ERC1: variants seen among roughly 807,000 people sequenced by gnomAD.
ERC1 encodes the protein RAB6 interacting protein 2.
ERC1 carries 56 observed loss-of-function variants against 132.0 expected under a neutral mutation model. The observed-to-expected ratio is 0.42, with a 90% confidence interval of 0.34 to 0.53. ERC1 has a LOEUF of 0.53. Ranked by LOEUF, ERC1 falls within the 20% of genes least tolerant of loss-of-function variation. ERC1 has a pLI of 0.03. For synonymous variants in ERC1, 478 were observed against 476.1 expected (o/e 1.00, Z -0.05); for missense variants, 1,202 against 1,349.9 (o/e 0.89, Z 1.72).
Position 1,352,192 on chromosome 12 carries a change from G to C in ERC1, c.2781-19641G>C, listed in dbSNP as rs79705383. Among the ~76,000 whole-genome samples the C allele has an allele frequency of 1.1e-3, 160 of 152,234 alleles. 1 individual carries two copies. Among genetic ancestry groups the C allele is most frequent in the Middle Eastern group, 6.8e-3 (2 of 294 alleles). On this transcript the variant is annotated intron_variant, in intron 15 of 18. Coordinates refer to ENST00000360905, the MANE Select transcript of ERC1 (RefSeq NM_178040.4). ...CATATCACCCTGTTCCTGTTGCTTAGGGAGCTTTCTCAGGATAGCATTTCA... is the reference window on the plus strand; with the variant it reads ...CATATCACCCTGTTCCTGTTGCTTACGGAGCTTTCTCAGGATAGCATTTCA...
intron 16 of ERC1, among the ~76,000 whole-genome samples, chr12:1,375,366 C>T (rs1481012052): frequency 6.6e-6 from 1 of 152,114 alleles, no homozygotes; most frequent in East Asian, 1.9e-4. Context: ...GGTCTGCCCC[C>T]ATGATCCAAT....
chr12:1,069,946 C>A (rs1045414006), intron 2 of ERC1, among the ~76,000 whole-genome samples: 1 of 152,008 alleles, frequency 6.6e-6, no homozygotes, highest in African/African-American at 2.4e-5. Flanking sequence ...CTACATGTAT[C>A]GATGTGGATA....
At position 1,337,447 on chromosome 12, in the gene ERC1, T is replaced by C. The variant is rs538466559; in HGVS notation, c.2781-34386T>C. Among the ~76,000 whole-genome samples, 6 of 152,264 alleles carry C rather than the reference T, an allele frequency of 3.9e-5. No homozygotes were observed. In the East Asian group the frequency reaches 1.2e-3, roughly 29 times the overall value. ...TCTGTGGGTGTCATTGCATACGAAA[T>C]GGGCCTCTTGAAGATAGCACACTGG... On this transcript the variant is annotated intron_variant, in intron 15 of 18. Transcript: ENST00000360905.
intron 14 of ERC1, among the ~76,000 whole-genome samples, chr12:1,279,035 A>C (rs1215444257): frequency 2.0e-5 from 3 of 152,170 alleles, no homozygotes; most frequent in African/African-American, 7.2e-5. Flanking sequence ...CTTCTAAGTG[A>C]ATGGCATGAC....
intron 2 of ERC1, among the ~76,000 whole-genome samples, chr12:1,050,282 T>C (rs1224463855): frequency 6.6e-6 from 1 of 152,172 alleles, no homozygotes. Context: ...AAACTGTACT[T>C]CTTCCTGACC....
intron 18 of ERC1, among the ~76,000 whole-genome samples, chr12:1,487,962 C>T (rs1390972330): frequency 6.6e-6 from 1 of 151,392 alleles, no homozygotes; most frequent in Non-Finnish European, 1.5e-5. Context: ...CACGGTGAAG[C>T]CCTGTCTCTA....
chr12:1,464,645 C>T (rs59676203), intron 18 of ERC1, among the ~76,000 whole-genome samples: 2,519 of 151,244 alleles, frequency 0.017, 66 homozygotes, highest in African/African-American at 0.058. Context: ...CTCACCCTCC[C>T]GAGTAGCTGG....
In ERC1 at chr12:1,084,156, C is replaced by A. The variant is rs1452539451; in HGVS notation, c.1086+576C>A. ...ACAGTGTTACTTATTTTTAGCTGACCTAGGTGACTACTGATAATTTTTTAC... is the reference window on the plus strand; with the variant it reads ...ACAGTGTTACTTATTTTTAGCTGACATAGGTGACTACTGATAATTTTTTAC... On this transcript the variant is annotated intron_variant, in intron 3 of 18. Coordinates refer to ENST00000360905, the MANE Select transcript of ERC1 (RefSeq NM_178040.4). Among the ~76,000 whole-genome samples, 4 of 152,138 alleles carry A rather than the reference C, an allele frequency of 2.6e-5. No homozygotes were observed. The East Asian group carries it at 5.8e-4, about 22-fold the overall frequency.
At chr12:1,040,596 G>T (rs768519156) in intron 2 of ERC1, among the ~76,000 whole-genome samples, 1 of 152,040 alleles carries the variant, frequency 6.6e-6, no homozygotes, top group African/African-American at 2.4e-5. Context: ...GTGAGCCACC[G>T]TGCCCGGCCT....
At chr12:1,472,678 G>A (rs1365881184) in intron 18 of ERC1, among the ~76,000 whole-genome samples, 4 of 150,290 alleles carry the variant, frequency 2.7e-5, no homozygotes, top group African/African-American at 9.8e-5. Flanking sequence ...GAAGAGAAAA[G>A]GAAGGAAGGG....
intron 1 of ERC1, among the ~76,000 whole-genome samples, chr12:1,011,048 A>G (rs949512914): frequency 6.6e-6 from 1 of 152,186 alleles, no homozygotes; most frequent in African/African-American, 2.4e-5. Flanking sequence ...GGAAATAATG[A>G]AAAATTTTAT....
chr12:1,098,811 A>T (rs999615249), intron 3 of ERC1, among the ~76,000 whole-genome samples: 1 of 152,222 alleles, frequency 6.6e-6, no homozygotes, highest in Non-Finnish European at 1.5e-5. Context: ...TAAACCATGT[A>T]GTAGATTAAA....
At chr12:1,426,358 A>G (rs558111991) in intron 17 of ERC1, among the ~76,000 whole-genome samples, 8 of 151,876 alleles carry the variant, frequency 5.3e-5, no homozygotes, top group African/African-American at 1.5e-4. Context: ...ACCCGCCTCA[A>G]CCTCCCAAAA....
At chr12:1,016,135 A>G (rs1384553947) in intron 1 of ERC1, among the ~76,000 whole-genome samples, 2 of 151,962 alleles carry the variant, frequency 1.3e-5, no homozygotes, top group Non-Finnish European at 2.9e-5. Flanking sequence ...AATTATTTAA[A>G]TAGCTAATGG....
chr12:1,073,418 A>G (rs10848432), intron 2 of ERC1, among the ~76,000 whole-genome samples: 149,964 of 152,286 alleles, frequency 0.98, 73,883 homozygotes, highest in East Asian at 1. Context: ...ATCCAGCACC[A>G]AGGTGGGCGG....
intron 14 of ERC1, among the ~76,000 whole-genome samples, chr12:1,266,909 G>A (rs1199368631): frequency 1.3e-5 from 2 of 152,076 alleles, no homozygotes; most frequent in African/African-American, 4.8e-5. Flanking sequence ...GATAAAGGTA[G>A]GATATCTACA....
intron 15 of ERC1, among the ~76,000 whole-genome samples, chr12:1,346,948 C>CAAAAGAAAAAAAAA (rs2084529114): frequency 1.9e-5 from 2 of 106,082 alleles, no homozygotes; most frequent in African/African-American, 7.9e-5. Context: ...GACTCCGTCT[C>CAAAAGAAAAAAAAA]AAAAAAAAAA....
intron 18 of ERC1, among the ~76,000 whole-genome samples, chr12:1,479,737 C>G (rs575136520): frequency 6.4e-4 from 98 of 152,252 alleles, no homozygotes; most frequent in African/African-American, 2.3e-3. Context: ...GGGACAGAGA[C>G]ATGGAGAGTT....
At chr12:1,098,396 G>A (rs1360439527) in intron 3 of ERC1, among the ~76,000 whole-genome samples, 1 of 152,206 alleles carries the variant, frequency 6.6e-6, no homozygotes, top group Non-Finnish European at 1.5e-5. Flanking sequence ...AATAGACAAA[G>A]GAGGTGGAAG....
Sources: gnomAD v4.1 joint callset for allele counts (sites outside exome capture counted in the v4.1 genomes callset) on GRCh38, gnomAD v4.1.1 for gene constraint, MANE v1.5 for transcripts, NCBI Gene and HGNC (gene_info 2026-07-23, HGNC 2026-07-21) for gene names.